EPHA6: variants seen among roughly 807,000 people sequenced by gnomAD.
The protein encoded by EPHA6 is EPH receptor A6, also known as ephrin type-A receptor 6.
A neutral mutation model predicts 112.0 loss-of-function variants in EPHA6; 50 were observed. The observed-to-expected ratio is 0.45, with a 90% CI of 0.36 to 0.56. EPHA6 has a LOEUF of 0.56. Among genes scored for constraint, EPHA6 ranks in the 20% least tolerant of loss-of-function variants. The pLI, the probability that EPHA6 is intolerant of heterozygous loss-of-function variation, is 0.00. For synonymous variants in EPHA6, 529 were observed against 490.7 expected, an observed-to-expected ratio of 1.08 and a Z score of -1.03; for missense variants, 1,280 against 1,417.4, an observed-to-expected ratio of 0.90 and a Z score of 1.56.
intron 3 of EPHA6, among the ~76,000 whole-genome samples, chr3:97,058,493 G>A (rs1249294270): frequency 6.6e-6 from 1 of 152,026 alleles, no homozygotes. Flanking sequence ...GTGGAGACGG[G>A]GTTTCACCAT....
chr3:97,410,501 A>G (rs2087644887), intron 6 of EPHA6, among the ~76,000 whole-genome samples: 1 of 152,076 alleles, frequency 6.6e-6, no homozygotes, highest in Non-Finnish European at 1.5e-5. Flanking sequence ...GTACAGAAAC[A>G]CATCTTTGTT....
intron 10 of EPHA6, among the ~76,000 whole-genome samples, chr3:97,529,410 G>C (rs992102481): frequency 1.3e-5 from 2 of 151,934 alleles, no homozygotes; most frequent in African/African-American, 2.4e-5. Context: ...CCTTTGTAAT[G>C]ATGATTACAA....
At chr3:96,850,756 C>T (rs1049585932) in intron 1 of EPHA6, among the ~76,000 whole-genome samples, 2 of 151,906 alleles carry the variant, frequency 1.3e-5, no homozygotes, top group African/African-American at 4.8e-5. Context: ...GCTAAATAGT[C>T]TAAATTTTTG....
At chr3:97,081,488 T>C (rs9871426) in intron 3 of EPHA6, among the ~76,000 whole-genome samples, 22,314 of 151,858 alleles carry the variant, frequency 0.15, 2,946 homozygotes, top group African/African-American at 0.35. Context: ...TGTTTATCTC[T>C]ATTAAACTAA....
intron 11 of EPHA6, among the ~76,000 whole-genome samples, chr3:97,573,806 C>A (rs963575806): frequency 1.3e-5 from 2 of 151,884 alleles, no homozygotes; most frequent in African/African-American, 4.8e-5. Context: ...ATTCAGAGGG[C>A]AAAATTAAGA....
At chr3:97,565,261 CA>C (rs1292031522) in intron 11 of EPHA6, among the ~76,000 whole-genome samples, 1 of 148,778 alleles carries the variant, frequency 6.7e-6, no homozygotes, top group Non-Finnish European at 1.5e-5. Flanking sequence ...AAATTAGCCC[CA>C]AGAAAAAAAA....
At chr3:96,861,160 G>A (rs1388325531) in intron 1 of EPHA6, among the ~76,000 whole-genome samples, 1 of 151,988 alleles carries the variant, frequency 6.6e-6, no homozygotes, top group Non-Finnish European at 1.5e-5. Context: ...ATAAGGATCT[G>A]GAGGTTCTTG....
chr3:97,434,112 A>T (rs1346620208), intron 6 of EPHA6, among the ~76,000 whole-genome samples: 1 of 152,170 alleles, frequency 6.6e-6, no homozygotes, highest in African/African-American at 2.4e-5. Flanking sequence ...AACAGAAAAT[A>T]TAAAATCTAA....
chr3:96,902,921 T>C (rs2038697992), intron 2 of EPHA6, among the ~76,000 whole-genome samples: 1 of 152,154 alleles, frequency 6.6e-6, no homozygotes, highest in African/African-American at 2.4e-5. Flanking sequence ...CCAAAGTAAA[T>C]AGACGAGAGA....
At chr3:97,214,736 G>A (rs936564423) in intron 3 of EPHA6, among the ~76,000 whole-genome samples, 7 of 152,050 alleles carry the variant, frequency 4.6e-5, no homozygotes, top group African/African-American at 1.4e-4. Context: ...GAATATACAA[G>A]CTTATTATTT....
intron 5 of EPHA6, among the ~76,000 whole-genome samples, chr3:97,251,637 G>T (rs927879854): frequency 6.6e-6 from 1 of 152,202 alleles, no homozygotes; most frequent in Non-Finnish European, 1.5e-5. Context: ...TGCAAAGATT[G>T]AAAAACTAAT....
At chr3:97,288,291 A>G (rs1057092738) in intron 5 of EPHA6, among the ~76,000 whole-genome samples, 2 of 152,090 alleles carry the variant, frequency 1.3e-5, no homozygotes, top group African/African-American at 4.8e-5. Flanking sequence ...TTATGTCCAT[A>G]AGTATTCAAC....
rs777723664 is a variant in EPHA6, at chr3:97,229,805, AT to A, written c.1270+3390del. 8.5e-5 allele frequency among the ~76,000 whole-genome samples: 13 copies of A among 152,238 alleles called. No individual in the cohort carries two copies. In the Middle Eastern group the frequency reaches 0.01, roughly 119 times the overall value. ...TTGTTGCTATTCATTAGTAGATGTAATTTTGGCTTTCTGATTGTAAATGCTA... is the reference window on the plus strand; with the variant it reads ...TTGTTGCTATTCATTAGTAGATGTAATTTGGCTTTCTGATTGTAAATGCTA... On this transcript the variant is annotated intron_variant, in intron 4 of 17. Transcript: ENST00000389672.
rs541218763 is a variant in EPHA6, at chr3:97,739,776, C to A, written c.3128+3658C>A. On this transcript the variant is annotated intron_variant, in intron 16 of 17. Coordinates refer to ENST00000389672, the MANE Select transcript of EPHA6 (RefSeq NM_001080448.3). ...GAATGTGGCAGTATTATAAGTATAACCCTAAATCCAACTAACAGTAAAAAA... is the reference window on the plus strand; with the variant it reads ...GAATGTGGCAGTATTATAAGTATAAACCTAAATCCAACTAACAGTAAAAAA... 2.6e-5 allele frequency among the ~76,000 whole-genome samples: 4 copies of A among 152,212 alleles called. No individual in the cohort carries two copies. The East Asian group carries it at 5.8e-4, about 22-fold the overall frequency.
Position 97,456,388 on chromosome 3 carries a change from A to G in EPHA6, c.1894+7658A>G, listed in dbSNP as rs189095570. ...GAACTTATTCATCTTATAACTGAAG[A>G]CTTGTAGTCTTTGACTAATATTTCC... On this transcript the variant is annotated intron_variant, in intron 7 of 17. Transcript: ENST00000389672. 3.9e-5 allele frequency among the ~76,000 whole-genome samples: 6 copies of G among 152,144 alleles called. No homozygotes were observed. In the East Asian group the frequency reaches 1.2e-3, roughly 29 times the overall value.
chr3:97,408,542 T>C (rs1181103389), intron 6 of EPHA6, among the ~76,000 whole-genome samples: 1 of 152,084 alleles, frequency 6.6e-6, no homozygotes, highest in African/African-American at 2.4e-5. Flanking sequence ...ACTAATAAAC[T>C]ATGTGGCTTA....
chr3:97,050,756 C>A (rs1274541030), intron 3 of EPHA6, among the ~76,000 whole-genome samples: 1 of 152,012 alleles, frequency 6.6e-6, no homozygotes, highest in Non-Finnish European at 1.5e-5. Context: ...TTATTTTTTA[C>A]TTTTTCATAG....
intron 11 of EPHA6, among the ~76,000 whole-genome samples, chr3:97,582,362 A>G (rs1324108376): frequency 2.6e-5 from 4 of 151,798 alleles, no homozygotes; most frequent in African/African-American, 9.7e-5. Context: ...TTTTATACTC[A>G]CCGGTAGGGA....
chr3:97,184,123 G>T (rs565294004), intron 3 of EPHA6, among the ~76,000 whole-genome samples: 1 of 152,062 alleles, frequency 6.6e-6, no homozygotes, highest in African/African-American at 2.4e-5. Context: ...CACTCTAATA[G>T]CTTTAAAACA....
Sources: gnomAD v4.1 joint callset for allele counts (sites outside exome capture counted in the v4.1 genomes callset) on GRCh38, gnomAD v4.1.1 for gene constraint, MANE v1.5 for transcripts, NCBI Gene and HGNC (gene_info 2026-07-23, HGNC 2026-07-21) for gene names.